The following NABP1 variants were observed in gnomAD, a reference collection of about 807,000 sequenced individuals.
NABP1 encodes nucleic acid binding protein 1, also known as SOSS complex subunit B2.
A neutral mutation model predicts 25.0 loss-of-function variants in NABP1; 18 were observed. The ratio of observed to expected loss-of-function variants is 0.72; its 90% CI spans 0.50 to 1.07. NABP1 has a LOEUF of 1.07. Ranked by LOEUF, NABP1 falls within the 50% of genes least tolerant of loss-of-function variation. The pLI is 0.00. For synonymous variants in NABP1, 71 were observed against 85.0 expected, an observed-to-expected ratio of 0.84 and a Z score of 0.91; for missense variants, 270 against 255.6, an observed-to-expected ratio of 1.06 and a Z score of -0.39.
intron 5 of NABP1, among the ~76,000 whole-genome samples, chr2:191,685,311 C>T (rs13410919): frequency 0.019 from 2,844 of 152,148 alleles, 93 homozygotes; most frequent in African/African-American, 0.064. Flanking sequence ...ACTATTTTGC[C>T]CTTTCTTTTT....
intron 2 of NABP1, 75 bp downstream of exon 2, chr2:191,679,203 G>A (rs1687599355): frequency 4.4e-6 from 7 of 1,577,328 alleles, no homozygotes; most frequent in Non-Finnish European, 6.1e-6. Flanking sequence ...ATCTTGGCAA[G>A]CCCTGAAGTC....
Position 191,686,478 on chromosome 2 carries a change from A to G in NABP1, c.*710A>G, listed in dbSNP as rs1022072278. 6.6e-6 allele frequency: 1 copy of G among 152,190 alleles called. No homozygotes were observed. The highest frequency in any genetic ancestry group is 1.5e-5 in the Non-Finnish European group (1 of 68,020). 9.4% of individuals were successfully genotyped at this position (152,190 alleles called of 1,614,324 possible). Reference sequence around the variant, plus strand: ...AAAATTTAAAACTGGGGCCTTGAATATTTATTTTTTGAAACTACCATGTTA... The same window carrying G: ...AAAATTTAAAACTGGGGCCTTGAATGTTTATTTTTTGAAACTACCATGTTA... On this transcript the variant is annotated 3_prime_UTR_variant, in exon 6 of 6. Coordinates refer to ENST00000425611, the MANE Select transcript of NABP1 (RefSeq NM_001031716.5).
At chr2:191,684,383 G>A (rs2105647677) in intron 5 of NABP1, 87 bp downstream of exon 5, 2 of 893,604 alleles carry the variant, frequency 2.2e-6, no homozygotes, top group Middle Eastern at 2.4e-4. Context: ...AACGTCTTTA[G>A]GCATAAATTA....
chr2:191,678,500 G>T lies in NABP1; in HGVS notation c.-115G>T. The stretch of plus-strand genomic sequence containing the variant: ...CTAACGGCTTTCTGCCCCTTCTCTC[G>T]CCACCCCTGCCCAAGGTCGCCCCTC... On this transcript the variant is annotated 5_prime_UTR_variant, in exon 1 of 6. Coordinates refer to ENST00000425611, the MANE Select transcript of NABP1 (RefSeq NM_001031716.5). 1 of 528,084 alleles carries T rather than the reference G, an allele frequency of 1.9e-6. No individual in the cohort carries two copies. Among genetic ancestry groups the T allele is most frequent in the Non-Finnish European group, 3.2e-6 (1 of 315,508 alleles). The allele number at this position is 528,084 out of a possible 1,614,324, so 32.7% of individuals were successfully genotyped here.
chr2:191,678,791 T>G lies in NABP1; in HGVS notation c.91+86T>G, dbSNP rs1212514888. 2.3e-6 allele frequency: 3 copies of G among 1,300,440 alleles called. No individual in the cohort carries two copies. In the African/African-American group the frequency reaches 4.5e-5, roughly 19 times the overall value. The allele number at this position is 1,300,440 out of a possible 1,614,324, so 80.6% of individuals were successfully genotyped here. A position where few individuals can be genotyped will look rare whatever the true frequency, so the allele number is the denominator to read the frequency against. On this transcript the variant is annotated intron_variant, in intron 1 of 5. Transcript: ENST00000425611. ...GCGCCGGCCGCTGCGCGCCCGGGGC[T>G]CCCCTCCTCCTCCCTCCCCTCCCCC... is the stretch of plus-strand genomic sequence containing the variant.
At chr2:191,681,867 T>A in intron 2 of NABP1, 79 bp from the exon 3 acceptor site, 1 of 926,324 alleles carries the variant, frequency 1.1e-6, no homozygotes, top group East Asian at 3.2e-5. Context: ...ACAAAAAATA[T>A]ATAGTGTGAA....
chr2:191,682,064 T>C, intron 3 of NABP1, 47 bp downstream of exon 3: 1 of 1,165,130 alleles, frequency 8.6e-7, no homozygotes, highest in Non-Finnish European at 1.2e-6. Context: ...TTATAAATAA[T>C]ATCTACGGAA....
At chr2:191,682,536 A>T (rs746036852) in intron 3 of NABP1, 12 of 471,044 alleles carry the variant, frequency 2.5e-5, no homozygotes, top group South Asian at 1.7e-4. Flanking sequence ...TCCATACACT[A>T]CTACCCTGGT....
rs1558988272 is a variant in NABP1 at position 191,685,638 on chromosome 2, A to T, written c.485A>T (p.Gln162Leu). 1.2e-6 allele frequency: 2 copies of T among 1,613,922 alleles called. No individual in the cohort carries two copies. The highest frequency in any genetic ancestry group is 1.7e-6 in the Non-Finnish European group (2 of 1,179,882). Residue 162 changes from glutamine to leucine, a missense_variant, in exon 6 of 6, where the codon CAG (glutamine) becomes CTG (leucine). By Grantham distance (113) the Gln-to-Leu change is moderately radical. Coordinates refer to ENST00000425611, the MANE Select transcript of NABP1 (RefSeq NM_001031716.5). Reference sequence around the variant, plus strand: ...ACTGGCCCTGAATCAAGGGAACACCAGTTTTCACATGCTGGCAGAAGCAAT... The same window carrying T: ...ACTGGCCCTGAATCAAGGGAACACCTGTTTTCACATGCTGGCAGAAGCAAT... ...VHTGPESREH[Q>L]FSHAGRSNGR...
At chr2:191,678,960 C>T in intron 1 of NABP1, 30 bp from the exon 2 acceptor site, 2 of 1,614,156 alleles carry the variant, frequency 1.2e-6, no homozygotes, top group Non-Finnish European at 1.7e-6. Flanking sequence ...TATCTAACAA[C>T]CCCTCCCTTT....
rs368448206 is a variant in NABP1, at chr2:191,679,013, G to A, written c.115G>A (p.Gly39Ser). 9.3e-6 allele frequency: 15 copies of A among 1,614,070 alleles called. No individual in the cohort carries two copies. Among genetic ancestry groups the A allele is most frequent in the Admixed American group, 1.7e-5 (1 of 59,998 alleles). Residue 39 changes from glycine (G) to serine (S), a missense_variant, in exon 2 of 6, where the codon GGC becomes AGC. Gly to Ser is a moderately conservative substitution (Grantham distance 56). Transcript: ENST00000425611. Reference sequence around the variant, plus strand: ...AGGACGCGTGACCAAAACCAAAGACGGCCATGAAGTGAGATCGTGCAAAGT... The same window carrying A: ...AGGACGCGTGACCAAAACCAAAGACAGCCATGAAGTGAGATCGTGCAAAGT... ...EIGRVTKTKD[G>S]HEVRSCKVAD...
At chr2:191,682,957 G>T (rs1687727327) in intron 3 of NABP1, 1 of 181,604 alleles carries the variant, frequency 5.5e-6, no homozygotes, top group African/African-American at 2.4e-5. Context: ...AAAGGTCTTA[G>T]TGTCTGTTAC....
In NABP1 at chr2:191,678,980, A is replaced by G. The variant is rs529758865; in HGVS notation, c.92-10A>G. On this transcript the variant is annotated splice_polypyrimidine_tract_variant and intron_variant, in intron 1 of 5. Coordinates refer to ENST00000425611, the MANE Select transcript of NABP1 (RefSeq NM_001031716.5). ...AACAACCCCTCCCTTTGATTTTTAAATCCTCACAGGACGCGTGACCAAAAC... is the reference window on the plus strand; with the variant it reads ...AACAACCCCTCCCTTTGATTTTTAAGTCCTCACAGGACGCGTGACCAAAAC... The G allele has an allele frequency of 6.2e-7, 1 of 1,614,212 alleles. No individual in the cohort carries two copies. The highest frequency in any genetic ancestry group is 2.2e-5 in the East Asian group (1 of 44,888).
At chr2:191,679,184 G>T in intron 2 of NABP1, 56 bp downstream of exon 2, 1 of 1,606,750 alleles carries the variant, frequency 6.2e-7, no homozygotes, top group Non-Finnish European at 8.5e-7. Flanking sequence ...GGATTGGCCG[G>T]CTCCTGGGAT....
intron 1 of NABP1, 98 bp downstream of exon 1, chr2:191,678,803 C>G: frequency 1.6e-6 from 1 of 635,366 alleles, no homozygotes. Context: ...CCCTCCTCCT[C>G]CCTCCCCTCC....
intron 2 of NABP1, 104 bp downstream of exon 2, chr2:191,679,232 C>A: frequency 7.1e-7 from 1 of 1,415,112 alleles, no homozygotes; most frequent in Non-Finnish European, 9.7e-7. Flanking sequence ...TTTCTGTGGG[C>A]CACTCTTGAG....
Position 191,681,932 on chromosome 2 carries a change from T to A in NABP1, c.231-14T>A. On this transcript the variant is annotated splice_polypyrimidine_tract_variant and intron_variant, in intron 2 of 5. Coordinates refer to ENST00000425611, the MANE Select transcript of NABP1 (RefSeq NM_001031716.5). ...AATATATTTCTAAAGAATTAATGTT[T>A]CTTTTCTCTCTAGGTATGCATCCAT... The A allele has an allele frequency of 1.4e-6, 2 of 1,480,662 alleles. No homozygotes were observed. Among genetic ancestry groups the A allele is most frequent in the Non-Finnish European group, 1.8e-6 (2 of 1,107,358 alleles). The allele number at this position is 1,480,662 out of a possible 1,614,324, so 91.7% of individuals were successfully genotyped here.
At chr2:191,684,115 TAAAAAA>T in intron 4 of NABP1, 109 bp from the exon 5 acceptor site, 1 of 485,198 alleles carries the variant, frequency 2.1e-6, no homozygotes, top group Non-Finnish European at 3.3e-6. Context: ...ATTTGTTAAT[TAAAAAA>T]AAAAAAAAAG....
chr2:191,682,071 G>T, intron 3 of NABP1, 54 bp downstream of exon 3: 1 of 1,081,732 alleles, frequency 9.2e-7, no homozygotes, highest in Non-Finnish European at 1.3e-6. Flanking sequence ...TAATATCTAC[G>T]GAATGATTGG....
Sources: allele counts gnomAD v4.1 joint callset (sites outside exome capture counted in the v4.1 genomes callset), GRCh38; gene constraint gnomAD v4.1.1; transcripts MANE v1.5; gene names NCBI Gene and HGNC (gene_info 2026-07-23, HGNC 2026-07-21).